ARAP1: variants seen among roughly 807,000 people sequenced by gnomAD.
The protein encoded by ARAP1 is ArfGAP with RhoGAP domain, ankyrin repeat and PH domain 1, also known as arf-GAP with Rho-GAP domain, ANK repeat and PH domain-containing protein 1.
A neutral mutation model predicts 172.2 loss-of-function variants in ARAP1; 76 were observed. That is an observed-to-expected ratio of 0.44 (90% CI 0.37 to 0.53). The LOEUF (loss-of-function observed/expected upper bound fraction) is 0.53, where lower values mean the gene tolerates loss of function less well. Among genes scored for constraint, ARAP1 ranks in the 20% least tolerant of loss-of-function variants. The pLI is 0.00. For missense variants in ARAP1, 1,686 were observed against 1,977.5 expected (o/e 0.85, Z 2.80); for synonymous variants, 804 against 803.3 (o/e 1.00, Z -0.01).
intron 1 of ARAP1, among the ~76,000 whole-genome samples, chr11:72,737,211 C>T (rs58424437): frequency 0.14 from 20,717 of 152,110 alleles, 1,766 homozygotes; most frequent in African/African-American, 0.23. Context: ...TTCTTATCTC[C>T]TCTGCTGTCC....
chr11:72,719,617 C>A lies in ARAP1; in HGVS notation c.510-5296G>T, dbSNP rs572912498. On this transcript the variant is annotated intron_variant, in intron 3 of 34. Transcript: ENST00000393609. ...GCTGAGCCAGGAACCAGCTTCATAG[C>A]CTTAGCGGCCTCTAATGCCACCTCC... Among the ~76,000 whole-genome samples, 12 of 152,340 alleles carry A rather than the reference C, an allele frequency of 7.9e-5. 3 individuals carry two copies. The highest frequency in any genetic ancestry group is 2.9e-4 in the African/African-American group (12 of 41,572).
chr11:72,746,669 C>T (rs1858376480), intron 1 of ARAP1, among the ~76,000 whole-genome samples: 1 of 151,340 alleles, frequency 6.6e-6, no homozygotes, highest in Non-Finnish European at 1.5e-5. Flanking sequence ...CCCCTCCCCC[C>T]AACCCCCTCC....
At chr11:72,736,401 C>T (rs960418027) in intron 1 of ARAP1, among the ~76,000 whole-genome samples, 2 of 152,004 alleles carry the variant, frequency 1.3e-5, no homozygotes, top group Non-Finnish European at 2.9e-5. Context: ...CATGACCAAA[C>T]CCAGCTAATT....
In ARAP1 at chr11:72,710,691, C is replaced by T. The variant is rs1856975751; in HGVS notation, c.1214-104G>A. The T allele has an allele frequency of 1.6e-6, 2 of 1,214,910 alleles. No homozygotes were observed. Among genetic ancestry groups the T allele is most frequent in the Non-Finnish European group, 2.2e-6 (2 of 892,070 alleles). The allele number at this position is 1,214,910 out of a possible 1,614,324, so 75.3% of individuals were successfully genotyped here. A position where few individuals can be genotyped will look rare whatever the true frequency, so the allele number is the denominator to read the frequency against. On this transcript the variant is annotated intron_variant, in intron 9 of 34. Coordinates refer to ENST00000393609, the MANE Select transcript of ARAP1 (RefSeq NM_001040118.3). The surrounding 1 kb of genome is among the most constrained non-coding windows in gnomAD (Gnocchi z 4.3). ...CAACACCTCCTCCAGAAAGCCCACTCAGATGCCCCCATCATTTTGCTTGAC... is the reference window on the plus strand; with the variant it reads ...CAACACCTCCTCCAGAAAGCCCACTTAGATGCCCCCATCATTTTGCTTGAC...
At chr11:72,691,577 G>A (rs922335681) in intron 30 of ARAP1, among the ~76,000 whole-genome samples, 3 of 152,194 alleles carry the variant, frequency 2.0e-5, no homozygotes, top group Admixed American at 6.5e-5. Context: ...GGATGCATTA[G>A]AGGAGGCACA....
chr11:72,697,545 C>T, intron 20 of ARAP1, 53 bp downstream of exon 20: 1 of 1,613,180 alleles, frequency 6.2e-7, no homozygotes, highest in East Asian at 2.2e-5. Flanking sequence ...TGTCCCCAGG[C>T]CCATCAGACT....
At chr11:72,692,081 C>G (rs1190413961) in intron 30 of ARAP1, among the ~76,000 whole-genome samples, 4 of 152,094 alleles carry the variant, frequency 2.6e-5, no homozygotes, top group Non-Finnish European at 5.9e-5. Context: ...GTTGGGGACC[C>G]CTGCTGCAGG....
intron 1 of ARAP1, among the ~76,000 whole-genome samples, chr11:72,738,269 T>C (rs565235819): frequency 1.3e-5 from 2 of 152,166 alleles, no homozygotes; most frequent in African/African-American, 4.8e-5. Context: ...TGGCTGGCCC[T>C]CCGTCACCTG....
chr11:72,696,248 C>A (rs987073637), intron 23 of ARAP1, among the ~76,000 whole-genome samples: 3 of 152,194 alleles, frequency 2.0e-5, no homozygotes, highest in Non-Finnish European at 2.9e-5. Flanking sequence ...AGTTCCGATC[C>A]TTTGAGAATC....
chr11:72,745,157 C>T (rs1017079553), intron 1 of ARAP1, among the ~76,000 whole-genome samples: 1 of 151,822 alleles, frequency 6.6e-6, no homozygotes, highest in Non-Finnish European at 1.5e-5. Context: ...AAGCTGCAAA[C>T]CCACACAGCA....
intron 1 of ARAP1, among the ~76,000 whole-genome samples, chr11:72,736,363 CT>C: frequency 6.6e-6 from 1 of 151,936 alleles, no homozygotes; most frequent in Non-Finnish European, 1.5e-5. Flanking sequence ...CCACCTCCCC[CT>C]CCCCAGTAGC....
intron 1 of ARAP1, among the ~76,000 whole-genome samples, chr11:72,745,497 C>A (rs1261889921): frequency 6.6e-6 from 1 of 151,898 alleles, no homozygotes; most frequent in East Asian, 1.9e-4. Context: ...AGCCACCATG[C>A]CTGGCCACCC....
In ARAP1 at chr11:72,714,146, A is replaced by G. The variant is rs1354464324; in HGVS notation, c.679+6T>C. The G allele has an allele frequency of 1.4e-6, 2 of 1,470,466 alleles. No homozygotes were observed. Among genetic ancestry groups the G allele is most frequent in the East Asian group, 5.3e-5 (2 of 37,536 alleles). 91.1% of individuals were successfully genotyped at this position (1,470,466 alleles called of 1,614,324 possible). Reference sequence around the variant, plus strand: ...CAGAGCCCCATCTCCTGGCTGCAGCACTCACCGAACTCTGGGAACAGGCGT... The same window carrying G: ...CAGAGCCCCATCTCCTGGCTGCAGCGCTCACCGAACTCTGGGAACAGGCGT... On this transcript the variant is annotated splice_donor_region_variant and intron_variant, in intron 4 of 34. Coordinates refer to ENST00000393609, the MANE Select transcript of ARAP1 (RefSeq NM_001040118.3).
Position 72,726,828 on chromosome 11 carries a change from G to A in ARAP1, c.301C>T (p.Pro101Ser). 1.3e-6 allele frequency: 2 copies of A among 1,568,388 alleles called. No individual in the cohort carries two copies. The highest frequency in any genetic ancestry group is 1.7e-6 in the Non-Finnish European group (2 of 1,156,896). The change falls in exon 3 of 35, where the codon CCG becomes TCG. Residue 101 changes from proline to serine, a missense_variant. Pro to Ser is a moderately conservative substitution (Grantham distance 74). This residue lies in a region of ARAP1 where 190 missense variants were observed against 228.6 expected (regional missense o/e 0.83). Transcript: ENST00000393609. The surrounding 1 kb of genome is among the most constrained non-coding windows in gnomAD (Gnocchi z 6.5). The part of the protein sequence containing the change: ...SPPVPATPPE[P>S]LPTTTEDEGL... ...TCATCCTCTGTAGTGGTGGGCAGCG[G>A]CTCGGGTGGAGTGGCAGGCACAGGT...
chr11:72,711,468 G>T lies in ARAP1; in HGVS notation c.1054C>A (p.Leu352Met), dbSNP rs748875155. 24 of 1,613,040 alleles carry T rather than the reference G, an allele frequency of 1.5e-5. No individual in the cohort carries two copies. The highest frequency in any genetic ancestry group is 2.0e-5 in the Non-Finnish European group (24 of 1,179,192). ...AAGTATCGCAGGTGATCAGTATCCAGTCTCACCCATCGTTTCTGATAGATG... is the reference window on the plus strand; with the variant it reads ...AAGTATCGCAGGTGATCAGTATCCATTCTCACCCATCGTTTCTGATAGATG... The part of the protein sequence containing the change: ...SYIYQKRWVR[L>M]DTDHLRYFDS... The change falls in exon 8 of 35, where the codon CTG becomes ATG. Residue 352 changes from leucine to methionine, a missense_variant. Leu to Met is a conservative substitution (Grantham distance 15). This residue lies in a region of ARAP1 where 688 missense variants were observed against 856.9 expected (regional missense o/e 0.80). Transcript: ENST00000393609.
chr11:72,746,965 C>T (rs552420643), intron 1 of ARAP1, among the ~76,000 whole-genome samples: 28 of 152,306 alleles, frequency 1.8e-4, no homozygotes, highest in African/African-American at 6.3e-4. Context: ...GCAGTGCTCG[C>T]TGGGCCAGTA....
In ARAP1 at chr11:72,697,627, G is replaced by T; in HGVS notation, c.2760C>A (p.Asn920Lys). 6.2e-7 allele frequency: 1 copy of T among 1,614,116 alleles called. No individual in the cohort carries two copies. The highest frequency in any genetic ancestry group is 8.5e-7 in the Non-Finnish European group (1 of 1,179,982). Residue 920 changes from asparagine to lysine, a missense_variant, in exon 20 of 35, where the codon AAC (asparagine) becomes AAA (lysine). Coordinates refer to ENST00000393609, the MANE Select transcript of ARAP1 (RefSeq NM_001040118.3). ...QELSIQGDSENQVLVLVERRR... is the reference protein window; with the variant it reads ...QELSIQGDSEKQVLVLVERRR... ...TTCGCTCCACCAGCACCAGCACCTG[G>T]TTCTCACTGTCCCCCTGGATGGCTG...
chr11:72,704,094 C>T, intron 14 of ARAP1, 58 bp downstream of exon 14: 1 of 1,604,342 alleles, frequency 6.2e-7, no homozygotes, highest in South Asian at 1.1e-5. Context: ...GCATGAGGAA[C>T]AGGGCAGCAG....
At chr11:72,731,194 C>G (rs1272190231) in intron 2 of ARAP1, among the ~76,000 whole-genome samples, 2 of 152,154 alleles carry the variant, frequency 1.3e-5, no homozygotes, top group Non-Finnish European at 2.9e-5. Context: ...TTCACAGGGC[C>G]TGAAGTTCAT....
Sources: gnomAD v4.1 joint callset for allele counts (sites outside exome capture counted in the v4.1 genomes callset) on GRCh38, gnomAD v4.1.1 for gene constraint, gnomAD v4.1.1 regional missense constraint, Gnocchi (gnomAD v3.1) non-coding constraint, MANE v1.5 for transcripts, NCBI Gene and HGNC (gene_info 2026-07-23, HGNC 2026-07-21) for gene names.